The following CIT variants were observed in gnomAD, a reference collection of about 807,000 sequenced individuals.
CIT encodes the protein citron rho-interacting serine/threonine kinase, also known as citron Rho-interacting kinase.
In CIT, 79 loss-of-function variants were observed where a neutral mutation model predicts 272.7. The ratio of observed to expected loss-of-function variants is 0.29; its 90% CI spans 0.24 to 0.35. The LOEUF is 0.35. CIT is among the 10% of genes least tolerant of loss of function. The pLI, the probability that CIT is intolerant of heterozygous loss-of-function variation, is 1.00. For synonymous variants in CIT, 948 were observed against 995.6 expected (o/e 0.95, Z 0.90); for missense variants, 1,909 against 2,618.3 (o/e 0.73, Z 5.91).
chr12:119,863,082 G>A (rs1025843203), intron 3 of CIT, among the ~76,000 whole-genome samples: 27 of 145,934 alleles, frequency 1.9e-4, no homozygotes, highest in African/African-American at 6.3e-4. Context: ...CGCACCTGTA[G>A]TCCCAGCTAC....
rs1457228227 is a variant in CIT, at chr12:119,804,840, G to A, written c.1112-1451C>T. The stretch of plus-strand genomic sequence containing the variant: ...GTACATTGAGATGAGGTGGGAGAGT[G>A]AGGAAGATTTAAGATGTAAAATGTG... On this transcript the variant is annotated intron_variant, in intron 9 of 47. Transcript: ENST00000392521. This position sits in a 1 kb window ranked among gnomAD's most constrained non-coding sequence, Gnocchi z 5.3. Among the ~76,000 whole-genome samples the A allele has an allele frequency of 6.6e-6, 1 of 152,196 alleles. No homozygotes were observed. The highest frequency in any genetic ancestry group is 6.5e-5 in the Admixed American group (1 of 15,288).
chr12:119,867,822 A>G (rs934298983), intron 3 of CIT, among the ~76,000 whole-genome samples: 1 of 152,220 alleles, frequency 6.6e-6, no homozygotes, highest in Non-Finnish European at 1.5e-5. Context: ...ATGGAAGTCA[A>G]GCAAAGTCAG....
Position 119,710,439 on chromosome 12 carries a change from A to G in CIT, c.4936-53T>C. 1.9e-6 allele frequency: 3 copies of G among 1,613,324 alleles called. No individual in the cohort carries two copies. The highest frequency in any genetic ancestry group is 2.5e-6 in the Non-Finnish European group (3 of 1,179,502). On this transcript the variant is annotated intron_variant, in intron 38 of 47. Coordinates refer to ENST00000392521, the MANE Select transcript of CIT (RefSeq NM_001206999.2). This position sits in a 1 kb window ranked among gnomAD's most constrained non-coding sequence, Gnocchi z 5.6. Reference sequence around the variant, plus strand: ...ACATAAGCACGGTCACGTCACCAGAACAATCTCTAGTAAGAGCAACAAGGC... The same window carrying G: ...ACATAAGCACGGTCACGTCACCAGAGCAATCTCTAGTAAGAGCAACAAGGC...
intron 40 of CIT, among the ~76,000 whole-genome samples, chr12:119,705,559 T>A (rs1006839680): frequency 6.6e-6 from 1 of 152,126 alleles, no homozygotes; most frequent in African/African-American, 2.4e-5. Context: ...ATATGTTCCA[T>A]ACATTTTTTG....
At chr12:119,783,728 G>A in intron 12 of CIT, 180 bp downstream of exon 12, 2 of 643,682 alleles carry the variant, frequency 3.1e-6, no homozygotes, top group East Asian at 5.6e-5. Context: ...CTCATTTCTT[G>A]GGGACCTTAC....
chr12:119,738,574 G>A (rs1958899536), intron 24 of CIT, among the ~76,000 whole-genome samples: 1 of 146,256 alleles, frequency 6.8e-6, no homozygotes, highest in African/African-American at 2.5e-5. Flanking sequence ...ACAGTTCTAA[G>A]ACAGAAGATA....
chr12:119,711,170 A>G, intron 37 of CIT: 1 of 1,190,040 alleles, frequency 8.4e-7, no homozygotes, highest in Non-Finnish European at 1.2e-6. Context: ...AAACAGGTCT[A>G]ACCACTGAGT....
chr12:119,858,199 G>C (rs930741042), intron 3 of CIT, among the ~76,000 whole-genome samples: 1 of 152,108 alleles, frequency 6.6e-6, no homozygotes, highest in African/African-American at 2.4e-5. Context: ...AGCCTTCGTA[G>C]ATCTAATATG....
intron 28 of CIT, among the ~76,000 whole-genome samples, chr12:119,727,473 G>A (rs1361619638): frequency 6.6e-6 from 1 of 152,114 alleles, no homozygotes; most frequent in Non-Finnish European, 1.5e-5. Flanking sequence ...GGAGGGGAGT[G>A]AGGGATGAAA....
chr12:119,700,160 A>G (rs1247486589), intron 44 of CIT, among the ~76,000 whole-genome samples: 1 of 152,226 alleles, frequency 6.6e-6, no homozygotes, highest in Non-Finnish European at 1.5e-5. Context: ...AAATAAATCT[A>G]CAGGAATTGG....
At chr12:119,716,329 G>A (rs1275236507) in intron 32 of CIT, among the ~76,000 whole-genome samples, 5 of 121,600 alleles carry the variant, frequency 4.1e-5, no homozygotes, top group African/African-American at 1.6e-4. Flanking sequence ...AGTGAGCCAA[G>A]ATCACACCAC....
intron 18 of CIT, among the ~76,000 whole-genome samples, chr12:119,767,442 G>A (rs983188482): frequency 6.6e-6 from 1 of 152,222 alleles, no homozygotes; most frequent in African/African-American, 2.4e-5. Flanking sequence ...AGTATGACAG[G>A]TCGAACAAAG....
chr12:119,752,593 A>G (rs1280343486), intron 22 of CIT, among the ~76,000 whole-genome samples: 1 of 152,264 alleles, frequency 6.6e-6, no homozygotes, highest in East Asian at 1.9e-4. Flanking sequence ...AAAGCTAAGC[A>G]GATATAAATA....
intron 5 of CIT, among the ~76,000 whole-genome samples, chr12:119,838,915 G>C (rs1969210512): frequency 2.6e-5 from 4 of 152,154 alleles, no homozygotes; most frequent in Non-Finnish European, 5.9e-5. Flanking sequence ...ACAGGAGGAG[G>C]AAAGAGTCCT....
intron 19 of CIT, among the ~76,000 whole-genome samples, chr12:119,763,395 T>A (rs2137521579): frequency 6.6e-6 from 1 of 152,336 alleles, no homozygotes; most frequent in Middle Eastern, 3.4e-3. Flanking sequence ...AATTTTTGTA[T>A]TTTTTGTAGA....
Position 119,784,591 on chromosome 12 carries a change from G to A in CIT, c.1401+369C>T. The A allele has an allele frequency of 8.5e-7, 1 of 1,179,906 alleles. No individual in the cohort carries two copies. The highest frequency in any genetic ancestry group is 1.9e-5 in the South Asian group (1 of 52,108). 73.1% of individuals were successfully genotyped at this position (1,179,906 alleles called of 1,614,324 possible). ...CAACACAGTGGCCGCAGTGACATAA[G>A]CAGGAGTTTTAAAAGACTAGGAAGA... On this transcript the variant is annotated intron_variant, in intron 11 of 47. Coordinates refer to ENST00000392521, the MANE Select transcript of CIT (RefSeq NM_001206999.2). This position sits in a 1 kb window ranked among gnomAD's most constrained non-coding sequence, Gnocchi z 4.7.
intron 10 of CIT, among the ~76,000 whole-genome samples, chr12:119,802,828 T>C (rs2137874243): frequency 6.6e-6 from 1 of 152,282 alleles, no homozygotes; most frequent in African/African-American, 2.4e-5. Context: ...GAGAGACAGA[T>C]ACATAGATGG....
chr12:119,812,140 G>T (rs1426409000), intron 9 of CIT, among the ~76,000 whole-genome samples: 1 of 151,906 alleles, frequency 6.6e-6, no homozygotes, highest in Non-Finnish European at 1.5e-5. Context: ...TAGAGACGGG[G>T]TTTTACCATG....
intron 2 of CIT, among the ~76,000 whole-genome samples, chr12:119,870,091 T>C (rs1454619611): frequency 6.6e-6 from 1 of 152,218 alleles, no homozygotes; most frequent in Non-Finnish European, 1.5e-5. Context: ...TCTTCAAAGA[T>C]GGCCTCCAAC....
Sources: allele counts gnomAD v4.1 joint callset (sites outside exome capture counted in the v4.1 genomes callset), GRCh38; gene constraint gnomAD v4.1.1; non-coding constraint Gnocchi (gnomAD v3.1); transcripts MANE v1.5; gene names NCBI Gene and HGNC (gene_info 2026-07-23, HGNC 2026-07-21).